MAP2K2: variants seen among roughly 807,000 people sequenced by gnomAD.
MAP2K2 encodes mitogen-activated protein kinase kinase 2.
Under a neutral mutation model 43.7 loss-of-function variants are expected in MAP2K2, and 24 were observed. The ratio of observed to expected loss-of-function variants is 0.55; its 90% CI spans 0.40 to 0.77. The LOEUF (loss-of-function observed/expected upper bound fraction) is 0.77. Ranked by LOEUF, MAP2K2 falls within the 30% of genes least tolerant of loss-of-function variation. The pLI is 0.00. For missense variants in MAP2K2, 470 were observed against 566.8 expected, an observed-to-expected ratio of 0.83 and a Z score of 1.73; for synonymous variants, 244 against 239.7, an observed-to-expected ratio of 1.02 and a Z score of -0.17.
intron 3 of MAP2K2, among the ~76,000 whole-genome samples, chr19:4,105,194 GTGTGTGTGTGA>G (rs1174434162): frequency 3.2e-4 from 43 of 134,872 alleles, no homozygotes; most frequent in Non-Finnish European, 3.2e-4. Flanking sequence ...GTGTGTGTGT[GTGTGTGTGTGA>G]TGTTTAAAAT....
intron 3 of MAP2K2, among the ~76,000 whole-genome samples, chr19:4,105,991 C>T (rs1005428146): frequency 6.6e-6 from 1 of 152,068 alleles, no homozygotes; most frequent in Admixed American, 6.6e-5. Flanking sequence ...AACACAGACT[C>T]GGGACTCACT....
intron 9 of MAP2K2, 180 bp from the exon 10 acceptor site, chr19:4,094,678 C>T (rs2040890424): frequency 4.8e-6 from 3 of 627,690 alleles, no homozygotes; most frequent in Non-Finnish European, 8.5e-6. Context: ...ACGAGGGATC[C>T]ACCTCTGCAC....
intron 10 of MAP2K2, 39 bp from the exon 11 acceptor site, chr19:4,090,747 G>T: frequency 1.4e-6 from 2 of 1,396,014 alleles, no homozygotes; most frequent in South Asian, 1.2e-5. Flanking sequence ...CGGGCCTGGA[G>T]TCACAGTAGG....
chr19:4,097,227 A>G (rs2040931364), intron 8 of MAP2K2, 52 bp downstream of exon 8: 9 of 1,231,264 alleles, frequency 7.3e-6, no homozygotes, highest in South Asian at 2.7e-5. Context: ...AAAAAAAAAA[A>G]AGAAAGAAGA....
intron 3 of MAP2K2, among the ~76,000 whole-genome samples, chr19:4,108,662 C>G (rs958504769): frequency 6.6e-6 from 1 of 152,122 alleles, no homozygotes; most frequent in African/African-American, 2.4e-5. Flanking sequence ...AGCACCCACT[C>G]TGGGAACCCC....
intron 3 of MAP2K2, chr19:4,102,962 C>T (rs1000812393): frequency 3.2e-5 from 35 of 1,097,546 alleles, no homozygotes; most frequent in East Asian, 1.5e-4. Flanking sequence ...GAGGAGGCGG[C>T]GGGTCGCTGT....
intron 1 of MAP2K2, among the ~76,000 whole-genome samples, 159 bp from the exon 2 acceptor site, chr19:4,117,788 C>G (rs901153419): frequency 2.2e-4 from 33 of 152,104 alleles, no homozygotes; most frequent in Admixed American, 5.9e-4. Flanking sequence ...GCTGTGTACC[C>G]CCATAGACAC....
chr19:4,094,434 A>G lies in MAP2K2; in HGVS notation c.1092+19T>C. 6.4e-7 allele frequency: 1 copy of G among 1,555,248 alleles called. No individual in the cohort carries two copies. Among genetic ancestry groups the G allele is most frequent in the East Asian group, 2.4e-5 (1 of 41,716 alleles). On this transcript the variant is annotated intron_variant, in intron 10 of 10. Coordinates refer to ENST00000262948, the MANE Select transcript of MAP2K2 (RefSeq NM_030662.4). ...CAGCCTGCACCCTCCCGGTCCCAGA[A>G]CCCGCTGGCATCACTCACTGTGAGC...
intron 8 of MAP2K2, 70 bp downstream of exon 8, chr19:4,097,209 A>T (rs1255715842): frequency 1.0e-6 from 1 of 994,302 alleles, no homozygotes; most frequent in Non-Finnish European, 1.4e-6. Flanking sequence ...TCTGCCTAAA[A>T]AAAAAAAAAA....
intron 8 of MAP2K2, 68 bp downstream of exon 8, chr19:4,097,205 TAAAAAA>T (rs10681431): frequency 2.1e-4 from 123 of 572,762 alleles, no homozygotes; most frequent in African/African-American, 1.1e-3. Context: ...AGACTCTGCC[TAAAAAA>T]AAAAAAAAAA....
At chr19:4,120,211 G>C (rs2041274918) in intron 1 of MAP2K2, among the ~76,000 whole-genome samples, 1 of 152,252 alleles carries the variant, frequency 6.6e-6, no homozygotes, top group African/African-American at 2.4e-5. Context: ...CTGAGGAGCT[G>C]CTGAACAAGG....
intron 3 of MAP2K2, chr19:4,104,888 C>G (rs1164552515): frequency 6.6e-6 from 1 of 152,416 alleles, no homozygotes; most frequent in African/African-American, 2.4e-5. Context: ...CTGCAGGGCG[C>G]TGAGTAGCGT....
chr19:4,095,285 G>A, intron 9 of MAP2K2, 103 bp downstream of exon 9: 1 of 1,012,206 alleles, frequency 9.9e-7, no homozygotes, highest in East Asian at 2.6e-5. Flanking sequence ...CGCTGCACTG[G>A]GATTCTGGAT....
Position 4,101,173 on chromosome 19 carries a change from G to A in MAP2K2, c.581-30C>T, listed in dbSNP as rs370131706. 5.0e-5 allele frequency: 76 copies of A among 1,507,794 alleles called. No homozygotes were observed. In the African/African-American group the frequency reaches 5.4e-4, roughly 11 times the overall value. 93.4% of individuals were successfully genotyped at this position (1,507,794 alleles called of 1,614,324 possible). A position where few individuals can be genotyped will look rare whatever the true frequency, so the allele number is the denominator to read the frequency against. Reference sequence around the variant, plus strand: ...AGGCGGCAGGCTGCGGGTGAGGGGCGCCCAACAGTTGCCTGCCGGCCCCCG... The same window carrying A: ...AGGCGGCAGGCTGCGGGTGAGGGGCACCCAACAGTTGCCTGCCGGCCCCCG... On this transcript the variant is annotated intron_variant, in intron 5 of 10. Coordinates refer to ENST00000262948, the MANE Select transcript of MAP2K2 (RefSeq NM_030662.4). The surrounding 1 kb of genome is among the most constrained non-coding windows in gnomAD (Gnocchi z 6.3).
chr19:4,111,618 G>A (rs72978918), intron 2 of MAP2K2, among the ~76,000 whole-genome samples: 70 of 152,236 alleles, frequency 4.6e-4, no homozygotes, highest in African/African-American at 1.3e-3. Context: ...AGTTGACCCC[G>A]GTGCCACTTT....
chr19:4,116,505 A>G (rs940115255), intron 2 of MAP2K2, among the ~76,000 whole-genome samples: 1 of 148,804 alleles, frequency 6.7e-6, no homozygotes, highest in African/African-American at 2.5e-5. Flanking sequence ...ACTCCAGCCA[A>G]TTCCTTAGAA....
intron 3 of MAP2K2, among the ~76,000 whole-genome samples, chr19:4,106,350 C>T (rs537919169): frequency 2.6e-5 from 4 of 152,306 alleles, no homozygotes; most frequent in African/African-American, 7.2e-5. Context: ...GGCTGGACAA[C>T]TGAGCAAGAC....
At chr19:4,116,859 G>C (rs1376387310) in intron 2 of MAP2K2, among the ~76,000 whole-genome samples, 1 of 152,138 alleles carries the variant, frequency 6.6e-6, no homozygotes, top group African/African-American at 2.4e-5. Flanking sequence ...AACCCAGGAG[G>C]CGGAGGTTGA....
chr19:4,105,640 C>T (rs961878706), intron 3 of MAP2K2, among the ~76,000 whole-genome samples: 1 of 152,020 alleles, frequency 6.6e-6, no homozygotes, highest in African/African-American at 2.4e-5. Flanking sequence ...TTCCACCATT[C>T]CCCCCTCAAG....
Sources: allele counts gnomAD v4.1 joint callset (sites outside exome capture counted in the v4.1 genomes callset), GRCh38; gene constraint gnomAD v4.1.1; non-coding constraint Gnocchi (gnomAD v3.1); transcripts MANE v1.5; gene names NCBI Gene and HGNC (gene_info 2026-07-23, HGNC 2026-07-21).